The following FAM50B variants were observed in gnomAD, a reference collection of about 807,000 sequenced individuals.
FAM50B encodes the protein family with sequence similarity 50 member B.
Under a neutral mutation model 25.4 loss-of-function variants are expected in FAM50B, and 9 were observed. The ratio of observed to expected loss-of-function variants is 0.35; its 90% CI spans 0.21 to 0.62. The LOEUF is 0.62. Ranked by LOEUF, FAM50B falls within the 20% of genes least tolerant of loss-of-function variation. The pLI is 0.73. For missense variants in FAM50B, 372 were observed against 477.9 expected, an observed-to-expected ratio of 0.78 and a Z score of 2.07; for synonymous variants, 212 against 204.3, an observed-to-expected ratio of 1.04 and a Z score of -0.32.
chr6:3,840,781 T>C, the FAM50B span, among the ~76,000 whole-genome samples: 1 of 152,196 alleles, frequency 6.6e-6, no homozygotes. Context: ...AAGATGAGCA[T>C]GATTTAGACC....
chr6:3,838,906 A>G, the FAM50B span, among the ~76,000 whole-genome samples: 78 of 151,944 alleles, frequency 5.1e-4, no homozygotes, highest in Non-Finnish European at 1.1e-3. Flanking sequence ...CTACTGACAT[A>G]TGCAACAGCA....
the FAM50B span, among the ~76,000 whole-genome samples, chr6:3,843,852 T>C: frequency 2.6e-5 from 4 of 152,238 alleles, no homozygotes; most frequent in Non-Finnish European, 5.9e-5. Context: ...ACCTGGTTGA[T>C]GTGAGGTGTT....
chr6:3,842,854 T>G, the FAM50B span, among the ~76,000 whole-genome samples: 1 of 152,244 alleles, frequency 6.6e-6, no homozygotes, highest in Non-Finnish European at 1.5e-5. Flanking sequence ...AGTGAAGGAC[T>G]CTAGTTCGCA....
At chr6:3,841,319 G>A in the FAM50B span, among the ~76,000 whole-genome samples, 1 of 152,178 alleles carries the variant, frequency 6.6e-6, no homozygotes, top group Admixed American at 6.5e-5. Context: ...GGAGGATCAC[G>A]ATAGCTCTGG....
upstream of FAM50B, among the ~76,000 whole-genome samples, chr6:3,845,009 T>C (rs907383066): frequency 9.2e-5 from 14 of 152,232 alleles, no homozygotes; most frequent in African/African-American, 3.1e-4. Context: ...ACAATCATTC[T>C]TTTTTGTTCT....
rs915800900 is a variant in FAM50B at position 3,850,234 on chromosome 6, C to T, written c.423C>T (p.Asn141=). The change falls in exon 2 of 2, where the codon AAC becomes AAT. Residue 141 remains asparagine, a synonymous_variant. Transcript: ENST00000648326. ...ADAAEARRAG[N]LGKNPDVDTS... ...CGGCCGAGGCCAGGCGCGCCGGAAA[C>T]CTGGGCAAGAACCCCGACGTGGACA... The T allele has an allele frequency of 1.9e-6, 3 of 1,613,172 alleles. No individual in the cohort carries two copies. In the African/African-American group the frequency reaches 4.0e-5, roughly 22 times the overall value.
chr6:3,851,311 G>C lies in FAM50B; in HGVS notation c.*522G>C, dbSNP rs3196512. 0.44 allele frequency: 75,486 copies of C among 171,118 alleles called. 17,545 individuals carry two copies. The highest frequency in any genetic ancestry group is 0.45 in the Non-Finnish European group (32,054 of 70,926). The allele number at this position is 171,118 out of a possible 1,614,324, so 10.6% of individuals were successfully genotyped here. On this transcript the variant is annotated 3_prime_UTR_variant, in exon 2 of 2. Coordinates refer to ENST00000648326, the MANE Select transcript of FAM50B (RefSeq NM_012135.3). Reference sequence around the variant, plus strand: ...TTAGCTCTTAATAAATGTTTCTGTTGTTATTATTATGGTTTTGGTTAATTT... The same window carrying C: ...TTAGCTCTTAATAAATGTTTCTGTTCTTATTATTATGGTTTTGGTTAATTT...
At chr6:3,841,620 T>C in the FAM50B span, among the ~76,000 whole-genome samples, 1 of 152,258 alleles carries the variant, frequency 6.6e-6, no homozygotes, top group Non-Finnish European at 1.5e-5. Flanking sequence ...CCTCTCTGAT[T>C]TGTTTTGTCT....
At chr6:3,836,796 G>A in the FAM50B span, among the ~76,000 whole-genome samples, 2 of 152,188 alleles carry the variant, frequency 1.3e-5, no homozygotes, top group Non-Finnish European at 2.9e-5. Flanking sequence ...TTGCACATGT[G>A]GCCCAGAATG....
At chr6:3,843,216 AT>A in the FAM50B span, among the ~76,000 whole-genome samples, 1 of 152,246 alleles carries the variant, frequency 6.6e-6, no homozygotes, top group Admixed American at 6.5e-5. Flanking sequence ...AAAATTTAAA[AT>A]TGATTAGTCA....
Position 3,850,145 on chromosome 6 carries a change from G to GAGCGCA in FAM50B, c.339_344dup (p.Arg115_Lys116dup). On this transcript the variant is annotated inframe_insertion, in exon 2 of 2. Coordinates refer to ENST00000648326, the MANE Select transcript of FAM50B (RefSeq NM_012135.3). ...GCAGCGGGAGCAGGAGCAGCGGCGCGAGCGCAAGCGTAAGATCTCCTGCCT... is the reference window on the plus strand; with the variant it reads ...GCAGCGGGAGCAGGAGCAGCGGCGCGAGCGCAAGCGCAAGCGTAAGATCTCCTGCCT... 17 of 1,611,554 alleles carry GAGCGCA rather than the reference G, an allele frequency of 1.1e-5. No individual in the cohort carries two copies. The highest frequency in any genetic ancestry group is 1.4e-5 in the Non-Finnish European group (16 of 1,179,480).
chr6:3,837,247 TAAAAATTTTACTCTGC>T, the FAM50B span, among the ~76,000 whole-genome samples: 1 of 152,116 alleles, frequency 6.6e-6, no homozygotes, highest in Non-Finnish European at 1.5e-5. Flanking sequence ...TCATCAAAAT[TAAAAATTTTACTCTGC>T]AAAAGACAAG....
At chr6:3,839,175 A>C in the FAM50B span, among the ~76,000 whole-genome samples, 1 of 151,560 alleles carries the variant, frequency 6.6e-6, no homozygotes. Flanking sequence ...GCTTCCACTC[A>C]AGCAGAAGGC....
Position 3,850,842 on chromosome 6 carries a change from G to A in FAM50B, c.*53G>A, listed in dbSNP as rs1339271610. 2 of 1,582,786 alleles carry A rather than the reference G, an allele frequency of 1.3e-6. No homozygotes were observed. The highest frequency in any genetic ancestry group is 2.7e-5 in the African/African-American group (2 of 73,704). On this transcript the variant is annotated 3_prime_UTR_variant, in exon 2 of 2. Coordinates refer to ENST00000648326, the MANE Select transcript of FAM50B (RefSeq NM_012135.3). Reference sequence around the variant, plus strand: ...GGTGGGGGGAGACACTCATTTCTAGGCCCCATCACCAGTCACTTGATTTCG... The same window carrying A: ...GGTGGGGGGAGACACTCATTTCTAGACCCCATCACCAGTCACTTGATTTCG...
rs1420345481 is a variant in FAM50B at position 3,850,039 on chromosome 6, G to A, written c.228G>A (p.Arg76=). Residue 76 remains arginine, a synonymous_variant, in exon 2 of 2, where the codon CGG becomes CGA. Coordinates refer to ENST00000648326, the MANE Select transcript of FAM50B (RefSeq NM_012135.3). ...TGACCCTGAACGACATGAAGGCCCG[G>A]CAGGAGGCCCTGGTCAGGGAGCGCG... ...GLVTLNDMKA[R]QEALVRERER... 1.2e-6 allele frequency: 2 copies of A among 1,613,222 alleles called. No homozygotes were observed. The highest frequency in any genetic ancestry group is 1.7e-6 in the Non-Finnish European group (2 of 1,179,676).
At chr6:3,849,552 G>A (rs1762171639) in intron 1 of FAM50B, 66 bp downstream of exon 1, 1 of 542,126 alleles carries the variant, frequency 1.8e-6, no homozygotes, top group Non-Finnish European at 3.1e-6. Context: ...GCTGCGCTCA[G>A]GCATGGCAGC....
At chr6:3,832,193 C>A in the FAM50B span, among the ~76,000 whole-genome samples, 230 of 152,174 alleles carry the variant, frequency 1.5e-3, no homozygotes, top group Middle Eastern at 0.034. Context: ...TAAAATTTTT[C>A]TTTTTGAAAG....
intron 1 of FAM50B, 73 bp downstream of exon 1, chr6:3,849,559 C>T: frequency 1.8e-6 from 1 of 567,178 alleles, no homozygotes; most frequent in East Asian, 3.3e-5. Flanking sequence ...TCAGGCATGG[C>T]AGCCACCCGT....
At chr6:3,832,488 C>T in the FAM50B span, among the ~76,000 whole-genome samples, 1 of 152,218 alleles carries the variant, frequency 6.6e-6, no homozygotes, top group South Asian at 2.1e-4. Context: ...CTGAGAATGC[C>T]TCTTCTCACT....
Sources: allele counts gnomAD v4.1 joint callset (sites outside exome capture counted in the v4.1 genomes callset), GRCh38; gene constraint gnomAD v4.1.1; transcripts MANE v1.5; gene names NCBI Gene and HGNC (gene_info 2026-07-23, HGNC 2026-07-21).